Variants in PRKAG2 observed in about 807,000 individuals in gnomAD.
PRKAG2 encodes the protein 5'-AMP-activated protein kinase subunit gamma-2.
Under a neutral mutation model 69.6 loss-of-function variants are expected in PRKAG2, and 26 were observed. The ratio of observed to expected loss-of-function variants is 0.37; its 90% CI spans 0.27 to 0.52. The LOEUF is 0.52. Among genes scored for constraint, PRKAG2 ranks in the 20% least tolerant of loss-of-function variants. The pLI is 0.90. For synonymous variants in PRKAG2, 293 were observed against 285.0 expected (o/e 1.03, Z -0.28); for missense variants, 557 against 740.0 (o/e 0.75, Z 2.87).
At chr7:151,874,504 GATGTAT>G (rs1379706146) in intron 1 of PRKAG2, among the ~76,000 whole-genome samples, 2 of 101,048 alleles carry the variant, frequency 2.0e-5, no homozygotes, top group Non-Finnish European at 3.8e-5. Context: ...ATATGTATAT[GATGTAT>G]ATGTATATGT....
intron 3 of PRKAG2, among the ~76,000 whole-genome samples, chr7:151,711,504 C>T (rs942796219): frequency 2.0e-5 from 3 of 152,130 alleles, no homozygotes; most frequent in African/African-American, 7.2e-5. Flanking sequence ...CATCACAGTA[C>T]CAGTGATGAC....
At chr7:151,596,820 C>A (rs1272585428) in intron 5 of PRKAG2, among the ~76,000 whole-genome samples, 1 of 151,968 alleles carries the variant, frequency 6.6e-6, no homozygotes, top group South Asian at 2.1e-4. Flanking sequence ...ATCTTGTGTT[C>A]ATGGATTGGA....
chr7:151,641,361 C>A (rs1050705504), intron 4 of PRKAG2, among the ~76,000 whole-genome samples: 4 of 151,038 alleles, frequency 2.6e-5, no homozygotes, highest in African/African-American at 9.8e-5. Flanking sequence ...GATTCCCCTG[C>A]CTCAGCCTCC....
chr7:151,765,386 C>A (rs921586111), intron 3 of PRKAG2, among the ~76,000 whole-genome samples: 1 of 152,172 alleles, frequency 6.6e-6, no homozygotes, highest in Non-Finnish European at 1.5e-5. Flanking sequence ...TCTGCCCCTA[C>A]GATTCAATCA....
intron 4 of PRKAG2, among the ~76,000 whole-genome samples, chr7:151,635,866 A>AT (rs1202730297): frequency 0.035 from 4,936 of 139,782 alleles, 147 homozygotes; most frequent in Admixed American, 0.088. Flanking sequence ...ATGACAATAA[A>AT]TTTTTTTTTT....
intron 1 of PRKAG2, among the ~76,000 whole-genome samples, chr7:151,866,865 C>T (rs2080091778): frequency 6.6e-6 from 1 of 151,260 alleles, no homozygotes. Flanking sequence ...ACCCCTCGCA[C>T]ACACCTCTGC....
chr7:151,588,837 A>T lies in PRKAG2; in HGVS notation c.864+6508T>A, dbSNP rs192476126. ...CTTTATAAATTACCCAGTCTCAGGT[A>T]TGTCTTTATTGGCAGCATGAAAACA... On this transcript the variant is annotated intron_variant, in intron 6 of 15. Coordinates refer to ENST00000287878, the MANE Select transcript of PRKAG2 (RefSeq NM_016203.4). 1.4e-4 allele frequency among the ~76,000 whole-genome samples: 22 copies of T among 152,298 alleles called. No individual in the cohort carries two copies. In the South Asian group the frequency reaches 1.5e-3, roughly 10 times the overall value.
At chr7:151,558,126 G>A (rs1264106532) in intron 15 of PRKAG2, 3 of 985,288 alleles carry the variant, frequency 3.0e-6, no homozygotes, top group Non-Finnish European at 3.6e-6. Context: ...CACACTGGAT[G>A]CACGCACACA....
At chr7:151,603,203 ACG>A (rs201058804) in intron 5 of PRKAG2, among the ~76,000 whole-genome samples, 2 of 70,760 alleles carry the variant, frequency 2.8e-5, no homozygotes, top group African/African-American at 7.0e-5. Context: ...CTCACCGCAC[ACG>A]GAGGGACACG....
chr7:151,712,248 G>C (rs1301041551), intron 3 of PRKAG2, among the ~76,000 whole-genome samples: 1 of 152,198 alleles, frequency 6.6e-6, no homozygotes, highest in African/African-American at 2.4e-5. Context: ...AATGGGACGG[G>C]CTCAGGCTCA....
intron 2 of PRKAG2, among the ~76,000 whole-genome samples, chr7:151,785,762 G>T (rs2076973996): frequency 6.6e-6 from 1 of 152,092 alleles, no homozygotes. Flanking sequence ...TTACTTCCTG[G>T]CTGCAGGAGA....
rs193237470 is a variant in PRKAG2, at chr7:151,683,481, T to C, written c.467-7844A>G. ...CGGCCCCTCCACTGCGTAAATGGAA[T>C]GAGCTAGAGCCTCATTCCTGCCTGA... On this transcript the variant is annotated intron_variant, in intron 3 of 15. Coordinates refer to ENST00000287878, the MANE Select transcript of PRKAG2 (RefSeq NM_016203.4). Among the ~76,000 whole-genome samples the C allele has an allele frequency of 1.4e-4, 22 of 152,264 alleles. No homozygotes were observed. In the East Asian group the frequency reaches 4.3e-3, roughly 29 times the overall value.
intron 4 of PRKAG2, among the ~76,000 whole-genome samples, chr7:151,642,365 C>T (rs1214779752): frequency 6.6e-6 from 1 of 151,846 alleles, no homozygotes; most frequent in Admixed American, 6.6e-5. Context: ...AACAAACAAA[C>T]AAAACAAAAG....
intron 5 of PRKAG2, among the ~76,000 whole-genome samples, chr7:151,629,570 A>T (rs900762083): frequency 6.6e-6 from 1 of 152,236 alleles, no homozygotes; most frequent in African/African-American, 2.4e-5. Flanking sequence ...GTCATAACCC[A>T]GGCCAAAGAC....
chr7:151,767,885 G>A (rs1204468315), intron 3 of PRKAG2, among the ~76,000 whole-genome samples: 1 of 152,202 alleles, frequency 6.6e-6, no homozygotes, highest in African/African-American at 2.4e-5. Context: ...GTTAAGTGCT[G>A]CTGCCCAGAG....
intron 5 of PRKAG2, among the ~76,000 whole-genome samples, chr7:151,624,180 A>G (rs1290222157): frequency 1.5e-5 from 2 of 129,830 alleles, no homozygotes. Context: ...ATATATATAT[A>G]TTTTTTTTTT....
At chr7:151,726,064 C>T (rs1563531508) in intron 3 of PRKAG2, among the ~76,000 whole-genome samples, 1 of 152,130 alleles carries the variant, frequency 6.6e-6, no homozygotes, top group African/African-American at 2.4e-5. Flanking sequence ...CAGGCAGCCT[C>T]AGAGATGGTG....
At chr7:151,792,625 A>C (rs11770585) in intron 1 of PRKAG2, among the ~76,000 whole-genome samples, 36,700 of 152,164 alleles carry the variant, frequency 0.24, 5,213 homozygotes, top group East Asian at 0.56. Flanking sequence ...CCCAGAAAGA[A>C]GACAGACAAG....
chr7:151,740,101 C>G (rs2073767690), intron 3 of PRKAG2, among the ~76,000 whole-genome samples: 1 of 152,210 alleles, frequency 6.6e-6, no homozygotes, highest in African/African-American at 2.4e-5. Flanking sequence ...ACCGGACAGT[C>G]ACCCTGAACG....
Sources: gnomAD v4.1 joint callset for allele counts (sites outside exome capture counted in the v4.1 genomes callset) on GRCh38, gnomAD v4.1.1 for gene constraint, MANE v1.5 for transcripts, NCBI Gene and HGNC (gene_info 2026-07-23, HGNC 2026-07-21) for gene names.